The following DLC1 variants were observed in gnomAD, a reference collection of about 807,000 sequenced individuals.
DLC1 encodes the protein DLC1 Rho GTPase activating protein.
DLC1 carries 54 observed loss-of-function variants against 140.3 expected under a neutral mutation model. The observed-to-expected ratio is 0.38, with a 90% CI of 0.31 to 0.48. The LOEUF (loss-of-function observed/expected upper bound fraction) is 0.48, where lower values mean the gene tolerates loss of function less well. Among genes scored for constraint, DLC1 ranks in the 20% least tolerant of loss-of-function variants. The probability of loss-of-function intolerance (pLI) is 0.96; values close to 1 mark genes in which losing one functional copy is unlikely to be tolerated. For missense variants in DLC1, 2,536 were observed against 1,907.0 expected (o/e 1.33, Z -6.14); for synonymous variants, 986 against 728.1 (o/e 1.35, Z -5.70).
rs58959007 is a variant in DLC1, at chr8:13,366,801, C to T, written c.1314+26752G>A. Among the ~76,000 whole-genome samples, 1,360 of 152,200 alleles carry T rather than the reference C, an allele frequency of 8.9e-3. 35 individuals carry two copies. The highest frequency in any genetic ancestry group is 0.03 in the African/African-American group (1,253 of 41,532). On this transcript the variant is annotated intron_variant, in intron 4 of 17. Coordinates refer to ENST00000276297, the MANE Select transcript of DLC1 (RefSeq NM_182643.3). ...CAAGGTCTCCCTTTCCCCTCTGGGT[C>T]GAAGGCCACCCAGCTGTACTTTGTT...
chr8:13,370,675 CA>C (rs1283623489), intron 4 of DLC1, among the ~76,000 whole-genome samples: 3 of 152,216 alleles, frequency 2.0e-5, no homozygotes, highest in Non-Finnish European at 2.9e-5. Context: ...GTCACCAAAA[CA>C]TGCTCCTTTT....
intron 5 of DLC1, among the ~76,000 whole-genome samples, chr8:13,218,919 T>A: frequency 7.8e-6 from 1 of 128,644 alleles, no homozygotes; most frequent in Non-Finnish European, 1.6e-5. Flanking sequence ...AATATATAAT[T>A]ATATAATTAC....
At chr8:13,467,794 T>C (rs532994493) in intron 2 of DLC1, among the ~76,000 whole-genome samples, 1 of 152,188 alleles carries the variant, frequency 6.6e-6, no homozygotes, top group Non-Finnish European at 1.5e-5. Context: ...TCTCTTCATA[T>C]GATCATAAAT....
chr8:13,600,061 G>C (rs1383877), intron 1 of DLC1, among the ~76,000 whole-genome samples: 151,981 of 151,982 alleles, frequency 1, 75,990 homozygotes, highest in Non-Finnish European at 1. Flanking sequence ...GGAGGTATCT[G>C]AAGAACCCTA....
rs556887931 is a variant in DLC1 at position 13,272,802 on chromosome 8, A to T, written c.1348+32467T>A. 3.3e-5 allele frequency among the ~76,000 whole-genome samples: 5 copies of T among 152,324 alleles called. No individual in the cohort carries two copies. The South Asian group carries it at 1.0e-3, about 32-fold the overall frequency. Reference sequence around the variant, plus strand: ...GGCAAGAGAATGGCGTCAACCCAGGAGGCAGAGCTTAAAGTGAGCCGAGAT... The same window carrying T: ...GGCAAGAGAATGGCGTCAACCCAGGTGGCAGAGCTTAAAGTGAGCCGAGAT... On this transcript the variant is annotated intron_variant, in intron 5 of 17. Coordinates refer to ENST00000276297, the MANE Select transcript of DLC1 (RefSeq NM_182643.3).
intron 1 of DLC1, among the ~76,000 whole-genome samples, chr8:13,550,806 G>T (rs1243928429): frequency 6.6e-6 from 1 of 152,054 alleles, no homozygotes. Context: ...GCTAGAAAGA[G>T]TCTCAGAAAA....
intron 2 of DLC1, among the ~76,000 whole-genome samples, chr8:13,449,992 C>T (rs1348360715): frequency 6.6e-6 from 1 of 151,814 alleles, no homozygotes; most frequent in East Asian, 1.9e-4. Context: ...GCTTCCCCAA[C>T]TCTGTATTAT....
At position 13,403,806 on chromosome 8, in the gene DLC1, T is replaced by TG. The variant is rs1348358002; in HGVS notation, c.1024-2188dup. On this transcript the variant is annotated intron_variant, in intron 2 of 17. Transcript: ENST00000276297. ...ATAGGCATGTACCACCAGGTCTGGC[T>TG]GTTTTTTTTTTTTTTTTTTTTTTGG... is the stretch of plus-strand genomic sequence containing the variant. Among the ~76,000 whole-genome samples, 13 of 83,986 alleles carry TG rather than the reference T, an allele frequency of 1.5e-4. No homozygotes were observed. In the East Asian group the frequency reaches 4.4e-3, roughly 29 times the overall value. The allele number at this position is 83,986 out of a possible 152,430, so 55.1% of individuals were successfully genotyped here.
intron 1 of DLC1, chr8:13,567,966 T>G: frequency 6.6e-7 from 1 of 1,516,262 alleles, no homozygotes; most frequent in Non-Finnish European, 8.8e-7. Context: ...GATAGATGTC[T>G]TTGTTGTGTA....
At chr8:13,359,507 G>T (rs957620746) in intron 4 of DLC1, among the ~76,000 whole-genome samples, 2 of 152,150 alleles carry the variant, frequency 1.3e-5, no homozygotes, top group Non-Finnish European at 2.9e-5. Flanking sequence ...ACTATTGGAA[G>T]AGGTGGGGTT....
At chr8:13,463,693 T>C (rs1424413982) in intron 2 of DLC1, among the ~76,000 whole-genome samples, 1 of 152,204 alleles carries the variant, frequency 6.6e-6, no homozygotes, top group South Asian at 2.1e-4. Flanking sequence ...TAGCCACTCA[T>C]AGTTATTATT....
rs372824600 is a variant in DLC1, at chr8:13,346,721, C to A, written c.1315-41419G>T. On this transcript the variant is annotated intron_variant, in intron 4 of 17. Coordinates refer to ENST00000276297, the MANE Select transcript of DLC1 (RefSeq NM_182643.3). The stretch of plus-strand genomic sequence containing the variant: ...GAGTGGGCTTGCCAATGAAAACCCC[C>A]CTTTGTCAGTCTCCTTTTTATTTCA... Among the ~76,000 whole-genome samples, 28 of 152,276 alleles carry A rather than the reference C, an allele frequency of 1.8e-4. 1 individual carries two copies. The highest frequency in any genetic ancestry group is 6.7e-4 in the African/African-American group (28 of 41,564).
chr8:13,366,446 G>A (rs1018200684), intron 4 of DLC1, among the ~76,000 whole-genome samples: 1 of 152,170 alleles, frequency 6.6e-6, no homozygotes. Context: ...TGTGAATGGG[G>A]AGGTTCTATG....
chr8:13,473,003 G>A (rs1249542876), intron 2 of DLC1, among the ~76,000 whole-genome samples: 1 of 152,142 alleles, frequency 6.6e-6, no homozygotes, highest in Non-Finnish European at 1.5e-5. Flanking sequence ...TTTGAACTAA[G>A]AAGTTATAGT....
At position 13,086,428 on chromosome 8, in the gene DLC1, G is replaced by C. The variant is rs374580879; in HGVS notation, c.4328C>G (p.Ala1443Gly). 6.2e-7 allele frequency: 1 copy of C among 1,614,216 alleles called. No individual in the cohort carries two copies. The highest frequency in any genetic ancestry group is 1.3e-5 in the African/African-American group (1 of 75,060). ...GTGATCCACAGAGGTTAGTAAAAGG[G>C]CACAGGCTCCTTTGGGTAAATTAGT... ...WRTNLPKGAC[A>G]LLLTSVDHDR... The change falls in exon 17 of 18, where the codon GCC (alanine) becomes GGC (glycine). Residue 1443 changes from alanine to glycine, a missense_variant. Physicochemically the swap from Ala to Gly is moderately conservative, Grantham distance 60. Transcript: ENST00000276297.
At chr8:13,103,729 C>T (rs1819301723) in intron 7 of DLC1, among the ~76,000 whole-genome samples, 1 of 151,072 alleles carries the variant, frequency 6.6e-6, no homozygotes, top group East Asian at 1.9e-4. Flanking sequence ...ATGCCAGCTA[C>T]TCGGGAGGCT....
At chr8:13,484,895 C>A (rs190612397) in intron 2 of DLC1, among the ~76,000 whole-genome samples, 1 of 151,966 alleles carries the variant, frequency 6.6e-6, no homozygotes, top group Admixed American at 6.6e-5. Flanking sequence ...ACGTGGGACT[C>A]ACAGTGGTTG....
chr8:13,340,283 C>A (rs1053177172), intron 4 of DLC1: 1 of 152,214 alleles, frequency 6.6e-6, no homozygotes, highest in Admixed American at 6.5e-5. Flanking sequence ...TCAATGCAAC[C>A]TCTGCCTCCC....
chr8:13,220,811 T>C (rs1828506817), intron 5 of DLC1, among the ~76,000 whole-genome samples: 1 of 152,330 alleles, frequency 6.6e-6, no homozygotes, highest in Non-Finnish European at 1.5e-5. Flanking sequence ...ACTGGAAATA[T>C]ACGGAGTTTG....
Sources: gnomAD v4.1 joint callset for allele counts (sites outside exome capture counted in the v4.1 genomes callset) on GRCh38, gnomAD v4.1.1 for gene constraint, MANE v1.5 for transcripts, NCBI Gene and HGNC (gene_info 2026-07-23, HGNC 2026-07-21) for gene names.